The following EYA1 variants were observed in gnomAD, a reference collection of about 807,000 sequenced individuals.
EYA1 encodes the protein protein phosphatase EYA1.
EYA1 carries 16 observed loss-of-function variants against 82.0 expected under a neutral mutation model. The ratio of observed to expected loss-of-function variants is 0.20; its 90% confidence interval spans 0.13 to 0.30. EYA1 has a LOEUF of 0.30. EYA1 is among the 10% of genes least tolerant of loss of function. The pLI, the probability that EYA1 is intolerant of heterozygous loss-of-function variation, is 1.00. For missense variants in EYA1, 633 were observed against 730.7 expected, an observed-to-expected ratio of 0.87 and a Z score of 1.54; for synonymous variants, 261 against 264.4, an observed-to-expected ratio of 0.99 and a Z score of 0.12.
At chr8:71,451,806 A>G (rs1045917750) in intron 2 of EYA1, among the ~76,000 whole-genome samples, 10 of 152,220 alleles carry the variant, frequency 6.6e-5, no homozygotes, top group African/African-American at 2.4e-4. Flanking sequence ...AAGATGGCCA[A>G]CTAGGAACAG....
chr8:71,395,831 T>C (rs551766557), intron 2 of EYA1, among the ~76,000 whole-genome samples: 2 of 152,330 alleles, frequency 1.3e-5, no homozygotes, highest in African/African-American at 4.8e-5. Context: ...GTATTCCCTC[T>C]TTTTCTATTG....
intron 2 of EYA1, among the ~76,000 whole-genome samples, chr8:71,419,985 T>G (rs1179581746): frequency 6.6e-6 from 1 of 152,148 alleles, no homozygotes; most frequent in Non-Finnish European, 1.5e-5. Flanking sequence ...TTCTTCCCAT[T>G]AAGGCTTGCT....
chr8:71,218,109 G>A (rs1809442680), intron 12 of EYA1, among the ~76,000 whole-genome samples: 1 of 152,108 alleles, frequency 6.6e-6, no homozygotes, highest in South Asian at 2.1e-4. Flanking sequence ...GGCCTTTATT[G>A]TACTTATTTC....
At chr8:71,516,677 A>G (rs149789094) in intron 2 of EYA1, among the ~76,000 whole-genome samples, 1 of 152,162 alleles carries the variant, frequency 6.6e-6, no homozygotes, top group African/African-American at 2.4e-5. Context: ...AGAAGGGTGC[A>G]TATGAGACAA....
At chr8:71,436,360 T>C (rs1806013381) in intron 2 of EYA1, among the ~76,000 whole-genome samples, 2 of 152,162 alleles carry the variant, frequency 1.3e-5, no homozygotes, top group African/African-American at 2.4e-5. Flanking sequence ...CATTATTTAC[T>C]TGTCTGATGT....
At chr8:71,363,699 T>C (rs1827577265), upstream of EYA1, among the ~76,000 whole-genome samples, 2 of 152,182 alleles carry the variant, frequency 1.3e-5, no homozygotes, top group African/African-American at 4.8e-5. Flanking sequence ...CATTGTCAGA[T>C]AAAATGTAAT....
At chr8:71,376,218 T>C (rs887729385) in intron 2 of EYA1, among the ~76,000 whole-genome samples, 3 of 151,980 alleles carry the variant, frequency 2.0e-5, no homozygotes, top group Non-Finnish European at 2.9e-5. Context: ...GAGGGAGTGG[T>C]CTACACAAAA....
Position 71,299,624 on chromosome 8 carries a change from GC to G in EYA1, c.639+13del, listed in dbSNP as rs1819978066. 1.4e-6 allele frequency: 2 copies of G among 1,451,552 alleles called. No individual in the cohort carries two copies. Among genetic ancestry groups the G allele is most frequent in the Admixed American group, 3.3e-5 (2 of 59,786 alleles). 89.9% of individuals were successfully genotyped at this position (1,451,552 alleles called of 1,614,324 possible). A position where few individuals can be genotyped will look rare whatever the true frequency, so the allele number is the denominator to read the frequency against. ...AAGATATTTTTCAGAAGTTAAACTG[GC>G]TTTTTAAATTACCTGCTGTGAACTA... On this transcript the variant is annotated intron_variant, in intron 8 of 17. Transcript: ENST00000340726.
chr8:71,411,519 C>CA (rs1830586542), intron 2 of EYA1, among the ~76,000 whole-genome samples: 1 of 140,450 alleles, frequency 7.1e-6, no homozygotes, highest in African/African-American at 2.7e-5. Context: ...ACAATGAACT[C>CA]AAACAAATTT....
chr8:71,423,343 C>A (rs1831248495), intron 2 of EYA1, among the ~76,000 whole-genome samples: 1 of 152,180 alleles, frequency 6.6e-6, no homozygotes, highest in Non-Finnish European at 1.5e-5. Context: ...GAATGACACT[C>A]ATTTCAATGT....
intron 2 of EYA1, among the ~76,000 whole-genome samples, chr8:71,405,734 T>C (rs1190458975): frequency 3.9e-5 from 6 of 152,162 alleles, no homozygotes; most frequent in African/African-American, 1.4e-4. Flanking sequence ...TTTCCGTTGT[T>C]ATTTGATGAG....
chr8:71,252,435 C>T (rs1813863128), intron 11 of EYA1, among the ~76,000 whole-genome samples: 1 of 152,090 alleles, frequency 6.6e-6, no homozygotes, highest in South Asian at 2.1e-4. Context: ...TCAAACTAGA[C>T]TTTCGCTGTA....
At chr8:71,493,799 G>A (rs1053233138) in intron 2 of EYA1, among the ~76,000 whole-genome samples, 4 of 150,440 alleles carry the variant, frequency 2.7e-5, no homozygotes, top group African/African-American at 9.7e-5. Context: ...CGAGGCGGGC[G>A]GATCACGAGG....
chr8:71,448,085 G>A (rs1025510410), intron 2 of EYA1, among the ~76,000 whole-genome samples: 4 of 142,264 alleles, frequency 2.8e-5, no homozygotes, highest in South Asian at 2.2e-4. Flanking sequence ...TGCAACCTAC[G>A]CCTTCCAGGT....
chr8:71,390,866 T>C (rs1267967665), intron 2 of EYA1, among the ~76,000 whole-genome samples: 2 of 152,150 alleles, frequency 1.3e-5, no homozygotes, highest in Non-Finnish European at 2.9e-5. Flanking sequence ...TTAATCTATT[T>C]CAAGTTCACT....
At chr8:71,504,468 A>G (rs193067347) in intron 2 of EYA1, among the ~76,000 whole-genome samples, 1 of 152,330 alleles carries the variant, frequency 6.6e-6, no homozygotes, top group Admixed American at 6.5e-5. Flanking sequence ...TATTTTTACT[A>G]CTGAAAATCA....
chr8:71,355,507 C>G (rs1826773475), intron 2 of EYA1, among the ~76,000 whole-genome samples: 1 of 152,146 alleles, frequency 6.6e-6, no homozygotes. Flanking sequence ...TTAATTGTTC[C>G]TCTGTTTCCC....
intron 7 of EYA1, among the ~76,000 whole-genome samples, chr8:71,305,881 TAC>T (rs1491498495): frequency 6.6e-6 from 1 of 152,146 alleles, no homozygotes; most frequent in Non-Finnish European, 1.5e-5. Flanking sequence ...ATCACACGCA[TAC>T]GCACACACAC....
chr8:71,441,866 A>C lies in EYA1; in HGVS notation c.34-85355T>G, dbSNP rs551150657. Reference sequence around the variant, plus strand: ...AGGTCAGGGCCCTCATTATGGAATTAATTCGCTTATAAAAAAGAAAAAGAG... The same window carrying C: ...AGGTCAGGGCCCTCATTATGGAATTCATTCGCTTATAAAAAAGAAAAAGAG... On this transcript the variant is annotated intron_variant, in intron 2 of 18. Coordinates refer to the EYA1 transcript ENST00000643681. Among the ~76,000 whole-genome samples, 3 of 152,278 alleles carry C rather than the reference A, an allele frequency of 2.0e-5. 1 individual carries two copies. The highest frequency in any genetic ancestry group is 2.0e-4 in the Admixed American group (3 of 15,300).
Sources: allele counts gnomAD v4.1 joint callset (sites outside exome capture counted in the v4.1 genomes callset), GRCh38; gene constraint gnomAD v4.1.1; transcripts MANE v1.5; gene names NCBI Gene and HGNC (gene_info 2026-07-23, HGNC 2026-07-21).